Variants in AGO2 observed in about 807,000 individuals in gnomAD.
The protein encoded by AGO2 is protein argonaute-2.
Under a neutral mutation model 102.3 loss-of-function variants are expected in AGO2, and 5 were observed. The ratio of observed to expected loss-of-function variants is 0.05; its 90% CI spans 0.03 to 0.10. AGO2 has a LOEUF of 0.10. Ranked by LOEUF, AGO2 falls within the 10% of genes least tolerant of loss-of-function variation. AGO2 has a pLI of 1.00. For missense variants in AGO2, 541 were observed against 1,183.7 expected (o/e 0.46, Z 7.97); for synonymous variants, 449 against 473.1 (o/e 0.95, Z 0.66).
intron 3 of AGO2, among the ~76,000 whole-genome samples, chr8:140,569,340 A>G (rs908622499): frequency 2.0e-5 from 3 of 152,214 alleles, no homozygotes; most frequent in African/African-American, 7.2e-5. Context: ...GCTGTCCACC[A>G]CCACTCCTAG....
At chr8:140,616,072 C>T (rs539342776) in intron 1 of AGO2, among the ~76,000 whole-genome samples, 6 of 152,310 alleles carry the variant, frequency 3.9e-5, no homozygotes, top group African/African-American at 1.4e-4. Context: ...ACAAGGTTTG[C>T]ACTGAGTCTT....
intron 1 of AGO2, among the ~76,000 whole-genome samples, chr8:140,618,866 G>A (rs1325100239): frequency 6.6e-6 from 1 of 151,854 alleles, no homozygotes; most frequent in Non-Finnish European, 1.5e-5. Context: ...TAATATTACA[G>A]GTGGTTTTTT....
Position 140,573,530 on chromosome 8 carries a change from A to G in AGO2, c.216-598T>C, listed in dbSNP as rs1190580390. ...GCAAGACCTGTGGCTCCTTTGGGCA[A>G]CATGACTTCCAACTTCTATAAAGAA... is the stretch of plus-strand genomic sequence containing the variant. On this transcript the variant is annotated intron_variant, in intron 2 of 18. Transcript: ENST00000220592. Among the ~76,000 whole-genome samples the G allele has an allele frequency of 2.6e-5, 4 of 152,322 alleles. No individual in the cohort carries two copies. The East Asian group carries it at 5.8e-4, about 22-fold the overall frequency.
chr8:140,633,407 A>G (rs766041202), intron 1 of AGO2, among the ~76,000 whole-genome samples: 10 of 152,182 alleles, frequency 6.6e-5, no homozygotes, highest in Non-Finnish European at 1.0e-4. Flanking sequence ...TCCTGCAGAC[A>G]CATTTATTCT....
intron 1 of AGO2, among the ~76,000 whole-genome samples, chr8:140,618,192 C>T (rs750656465): frequency 3.3e-5 from 5 of 152,036 alleles, no homozygotes; most frequent in African/African-American, 7.2e-5. Context: ...CAGTGGTGGG[C>T]GCCTGTAATC....
chr8:140,629,808 G>A (rs908577229), intron 1 of AGO2, among the ~76,000 whole-genome samples: 1 of 150,898 alleles, frequency 6.6e-6, no homozygotes, highest in Non-Finnish European at 1.5e-5. Context: ...CTGCACTCCA[G>A]CCTGGGCCAT....
At chr8:140,544,370 C>T (rs911718431) in intron 13 of AGO2, 67 bp from the exon 14 acceptor site, 2 of 1,352,304 alleles carry the variant, frequency 1.5e-6, no homozygotes, top group Non-Finnish European at 2.0e-6. Flanking sequence ...TAGTAGGTGC[C>T]ACCATCACCT....
At chr8:140,609,895 C>T (rs943354666) in intron 1 of AGO2, among the ~76,000 whole-genome samples, 8 of 151,294 alleles carry the variant, frequency 5.3e-5, no homozygotes, top group Middle Eastern at 3.2e-3. Context: ...AATCCCGGCA[C>T]GGAAAAAGAC....
intron 17 of AGO2, among the ~76,000 whole-genome samples, chr8:140,534,107 G>A (rs749128292): frequency 2.6e-5 from 4 of 152,162 alleles, no homozygotes; most frequent in Admixed American, 6.5e-5. Context: ...CGGAACGTTC[G>A]TCCCTGATGC....
intron 2 of AGO2, among the ~76,000 whole-genome samples, chr8:140,574,184 T>A (rs866513147): frequency 8.2e-6 from 1 of 122,078 alleles, no homozygotes; most frequent in East Asian, 2.7e-4. Context: ...AGAAACACAC[T>A]CTGCAAACCT....
chr8:140,602,267 G>A (rs2073943782), intron 1 of AGO2, among the ~76,000 whole-genome samples: 2 of 152,026 alleles, frequency 1.3e-5, no homozygotes, highest in South Asian at 4.1e-4. Flanking sequence ...TTTTCCTACT[G>A]CATATCAAAA....
intron 10 of AGO2, among the ~76,000 whole-genome samples, chr8:140,551,906 G>A (rs2073005922): frequency 6.6e-6 from 1 of 152,122 alleles, no homozygotes; most frequent in South Asian, 2.1e-4. Context: ...GAGTGGATAA[G>A]GTAGGTAGGT....
At chr8:140,545,744 T>C (rs1289040288) in intron 13 of AGO2, among the ~76,000 whole-genome samples, 1 of 152,240 alleles carries the variant, frequency 6.6e-6, no homozygotes, top group Non-Finnish European at 1.5e-5. Flanking sequence ...CCCAGGGCTC[T>C]ATCTTCAAAA....
chr8:140,592,631 T>C (rs1050661969), intron 1 of AGO2: 2 of 152,228 alleles, frequency 1.3e-5, no homozygotes, highest in Non-Finnish European at 2.9e-5. Context: ...CTTTTACAAA[T>C]AGTCTTTACT....
intron 1 of AGO2, among the ~76,000 whole-genome samples, chr8:140,612,538 G>C (rs1222906456): frequency 6.6e-6 from 1 of 152,150 alleles, no homozygotes. Context: ...GGCTGAGGTA[G>C]GTGGATCACA....
At chr8:140,553,291 G>T (rs2073033527) in intron 10 of AGO2, among the ~76,000 whole-genome samples, 1 of 152,168 alleles carries the variant, frequency 6.6e-6, no homozygotes, top group Non-Finnish European at 1.5e-5. Context: ...GGCTGAGGTG[G>T]GAGGAACGCT....
intron 13 of AGO2, among the ~76,000 whole-genome samples, chr8:140,545,623 T>C (rs1164180146): frequency 1.3e-5 from 2 of 152,142 alleles, no homozygotes; most frequent in Non-Finnish European, 2.9e-5. Context: ...CGCCCAGTGC[T>C]CACCCTCCCA....
At position 140,530,160 on chromosome 8, in the gene AGO2, A is replaced by G. The variant is rs2072565755; in HGVS notation, c.*1884T>C. ...CACACACAGGGACACACGCATGCAC[A>G]CACACACACACCACTCTGAGTACAC... On this transcript the variant is annotated 3_prime_UTR_variant, in exon 19 of 19. Transcript: ENST00000220592. The G allele has an allele frequency of 6.6e-6, 1 of 152,014 alleles. No homozygotes were observed. Among genetic ancestry groups the G allele is most frequent in the Non-Finnish European group, 1.5e-5 (1 of 68,042 alleles). The allele number at this position is 152,014 out of a possible 1,614,324, so 9.4% of individuals were successfully genotyped here. A position where few individuals can be genotyped will look rare whatever the true frequency, so the allele number is the denominator to read the frequency against.
At position 140,525,857 on chromosome 8, in the gene AGO2, C is replaced by G. The variant is rs2072495719; in HGVS notation, c.*6187G>C. 6.6e-6 allele frequency: 1 copy of G among 152,210 alleles called. No individual in the cohort carries two copies. Among genetic ancestry groups the G allele is most frequent in the South Asian group, 2.1e-4 (1 of 4,830 alleles). The allele number at this position is 152,210 out of a possible 1,614,324, so 9.4% of individuals were successfully genotyped here. ...TATGGGAAAATGACATTTCTGACAGCAAAGTGGTTAATCACAGGGAGGGGT... is the reference window on the plus strand; with the variant it reads ...TATGGGAAAATGACATTTCTGACAGGAAAGTGGTTAATCACAGGGAGGGGT... On this transcript the variant is annotated 3_prime_UTR_variant, in exon 19 of 19. Transcript: ENST00000220592.
Sources: gnomAD v4.1 joint callset for allele counts (sites outside exome capture counted in the v4.1 genomes callset) on GRCh38, gnomAD v4.1.1 for gene constraint, MANE v1.5 for transcripts, NCBI Gene and HGNC (gene_info 2026-07-23, HGNC 2026-07-21) for gene names.